Variants in TARS3 observed in about 807,000 individuals in gnomAD.
TARS3 encodes the protein threonyl-tRNA synthetase 3.
A neutral mutation model predicts 103.5 loss-of-function variants in TARS3; 94 were observed. The ratio of observed to expected loss-of-function variants is 0.91; its 90% CI spans 0.77 to 1.08. TARS3 has a LOEUF of 1.08. Among genes scored for constraint, TARS3 ranks in the 50% least tolerant of loss-of-function variants. The pLI is 0.00. For synonymous variants in TARS3, 416 were observed against 355.4 expected (o/e 1.17, Z -1.92); for missense variants, 952 against 995.2 (o/e 0.96, Z 0.58).
At chr15:101,699,151 C>A (rs1269630838) in intron 10 of TARS3, among the ~76,000 whole-genome samples, 1 of 152,118 alleles carries the variant, frequency 6.6e-6, no homozygotes, top group Non-Finnish European at 1.5e-5. Flanking sequence ...GGAAGTGACA[C>A]AACCATAATA....
At position 101,689,183 on chromosome 15, in the gene TARS3, A is replaced by G. The variant is rs1046286629; in HGVS notation, c.1321-3121T>C. On this transcript the variant is annotated intron_variant, in intron 10 of 18. Transcript: ENST00000335968. ...AGACTTACTACCCTTGATCGCAATT[A>G]CTGGGAGAAGTCGTATTGCTTACAA... Among the ~76,000 whole-genome samples, 28 of 152,270 alleles carry G rather than the reference A, an allele frequency of 1.8e-4. 1 individual carries two copies. Among genetic ancestry groups the G allele is most frequent in the African/African-American group, 6.5e-4 (27 of 41,538 alleles).
intron 12 of TARS3, among the ~76,000 whole-genome samples, chr15:101,682,043 T>A (rs1898275170): frequency 6.6e-6 from 1 of 152,240 alleles, no homozygotes; most frequent in Non-Finnish European, 1.5e-5. Flanking sequence ...TAGCTTTCTG[T>A]AGATTCCATC....
chr15:101,702,165 T>C, intron 9 of TARS3, 74 bp downstream of exon 9: 1 of 1,555,532 alleles, frequency 6.4e-7, no homozygotes, highest in Non-Finnish European at 8.8e-7. Context: ...TTAAAGCAAC[T>C]TAGTTTTGTG....
chr15:101,692,277 C>T (rs980011475), intron 10 of TARS3, among the ~76,000 whole-genome samples: 1 of 151,732 alleles, frequency 6.6e-6, no homozygotes, highest in South Asian at 2.1e-4. Flanking sequence ...CGGCTCCAAG[C>T]TCTCTGTGGG....
At chr15:101,703,714 T>C (rs1899398264) in intron 8 of TARS3, 145 bp downstream of exon 8, 1 of 610,472 alleles carries the variant, frequency 1.6e-6, no homozygotes, top group East Asian at 2.9e-5. Flanking sequence ...AATGATTTTA[T>C]TAGTTTTCAT....
At chr15:101,670,732 A>G (rs1226310755) in intron 15 of TARS3, among the ~76,000 whole-genome samples, 2 of 152,234 alleles carry the variant, frequency 1.3e-5, no homozygotes, top group African/African-American at 4.8e-5. Flanking sequence ...TCTATTCATA[A>G]TCACCAAGAA....
chr15:101,722,642 T>TAAA (rs35018220), intron 2 of TARS3, among the ~76,000 whole-genome samples: 1,206 of 58,736 alleles, frequency 0.021, 178 homozygotes, highest in East Asian at 0.048. Flanking sequence ...CCATCTCTAC[T>TAAA]AAAAAAAAAA....
chr15:101,713,538 A>ATGGAAAGGGAGAGAAG (rs140520700), intron 4 of TARS3, among the ~76,000 whole-genome samples: 4 of 152,076 alleles, frequency 2.6e-5, no homozygotes, highest in Non-Finnish European at 5.9e-5. Flanking sequence ...GGCAGTGGCA[A>ATGGAAAGGGAGAGAAG]TGGACAGATT....
At position 101,724,418 on chromosome 15, in the gene TARS3, G is replaced by A. The variant is rs567744397; in HGVS notation, c.-31C>T. 91 of 1,374,442 alleles carry A rather than the reference G, an allele frequency of 6.6e-5. No homozygotes were observed. The African/African-American group carries it at 1.2e-3, about 19-fold the overall frequency. The allele number at this position is 1,374,442 out of a possible 1,614,324, so 85.1% of individuals were successfully genotyped here. ...CCTCCCTCAGGCACCGACGCCGAGC[G>A]GGGTGCCCGCGACTGCGGCGAGGGC... On this transcript the variant is annotated 5_prime_UTR_variant, in exon 1 of 19. Coordinates refer to ENST00000335968, the MANE Select transcript of TARS3 (RefSeq NM_152334.3).
In TARS3 at chr15:101,668,094, A is replaced by G. The variant is rs181108438; in HGVS notation, c.1967+3392T>C. ...CCTTATCATTTGTGTTCACTGGAGTAGCACTTTTAATGTCCTTCAAGAGCT... is the reference window on the plus strand; with the variant it reads ...CCTTATCATTTGTGTTCACTGGAGTGGCACTTTTAATGTCCTTCAAGAGCT... On this transcript the variant is annotated intron_variant, in intron 15 of 18. Coordinates refer to ENST00000335968, the MANE Select transcript of TARS3 (RefSeq NM_152334.3). Among the ~76,000 whole-genome samples, 799 of 152,358 alleles carry G rather than the reference A, an allele frequency of 5.2e-3. 7 individuals are homozygous for G. The highest frequency in any genetic ancestry group is 8.6e-3 in the Non-Finnish European group (583 of 68,036).
chr15:101,681,858 T>C (rs769351832), intron 12 of TARS3, among the ~76,000 whole-genome samples: 2 of 152,246 alleles, frequency 1.3e-5, no homozygotes, highest in Non-Finnish European at 2.9e-5. Context: ...ATTCAGTCCA[T>C]AGCAACATAT....
In TARS3 at chr15:101,654,331, T is replaced by G; in HGVS notation, c.*251A>C. 2.6e-6 allele frequency: 1 copy of G among 386,058 alleles called. No individual in the cohort carries two copies. 23.9% of individuals were successfully genotyped at this position (386,058 alleles called of 1,614,324 possible). ...TGTTTCACTTTCTCGATGAATAATA[T>G]TTCCCCATTTAAGTTTCTCAAGGCA... is the stretch of plus-strand genomic sequence containing the variant. On this transcript the variant is annotated 3_prime_UTR_variant, in exon 19 of 19. Coordinates refer to ENST00000335968, the MANE Select transcript of TARS3 (RefSeq NM_152334.3).
intron 13 of TARS3, among the ~76,000 whole-genome samples, chr15:101,673,840 G>C (rs757272314): frequency 6.6e-6 from 1 of 152,068 alleles, no homozygotes; most frequent in Non-Finnish European, 1.5e-5. Flanking sequence ...GCCTCTGCTC[G>C]GCTTCTGCAC....
intron 18 of TARS3, among the ~76,000 whole-genome samples, chr15:101,654,965 G>A (rs547333015): frequency 2.0e-5 from 3 of 152,352 alleles, no homozygotes; most frequent in African/African-American, 7.2e-5. Context: ...GGGTGCAGAT[G>A]AGAGGGGGGA....
chr15:101,698,459 G>A (rs1282412662), intron 10 of TARS3, among the ~76,000 whole-genome samples: 1 of 151,990 alleles, frequency 6.6e-6, no homozygotes, highest in Non-Finnish European at 1.5e-5. Flanking sequence ...CAGAATCACA[G>A]CCAGGCAGAG....
At chr15:101,666,554 G>GTTAATATATA (rs1309781852) in intron 15 of TARS3, among the ~76,000 whole-genome samples, 1 of 149,046 alleles carries the variant, frequency 6.7e-6, no homozygotes, top group Non-Finnish European at 1.5e-5. Flanking sequence ...ATACTACTAA[G>GTTAATATATA]TTAATATATA....
At chr15:101,675,124 G>A (rs889625210) in intron 13 of TARS3, among the ~76,000 whole-genome samples, 1 of 152,152 alleles carries the variant, frequency 6.6e-6, no homozygotes, top group African/African-American at 2.4e-5. Context: ...GTTTTGCAAA[G>A]CTTAGATGTA....
At chr15:101,721,360 A>G (rs1234416381) in intron 2 of TARS3, 38 bp from the exon 3 acceptor site, 2 of 1,521,862 alleles carry the variant, frequency 1.3e-6, no homozygotes, top group Non-Finnish European at 1.8e-6. Context: ...TAATATATAC[A>G]GCCTACTGTT....
intron 10 of TARS3, among the ~76,000 whole-genome samples, chr15:101,688,771 ACC>A (rs748717754): frequency 1.3e-5 from 2 of 152,184 alleles, no homozygotes; most frequent in Non-Finnish European, 2.9e-5. Flanking sequence ...GCCTCAGAAG[ACC>A]TAGGAAAGCC....
Sources: allele counts gnomAD v4.1 joint callset (sites outside exome capture counted in the v4.1 genomes callset), GRCh38; gene constraint gnomAD v4.1.1; transcripts MANE v1.5; gene names NCBI Gene and HGNC (gene_info 2026-07-23, HGNC 2026-07-21).